The following ARHGAP42 variants were observed in gnomAD, a reference collection of about 807,000 sequenced individuals.
ARHGAP42 encodes the protein Rho GTPase activating protein 42.
Under a neutral mutation model 125.0 loss-of-function variants are expected in ARHGAP42, and 63 were observed. The ratio of observed to expected loss-of-function variants is 0.50; its 90% CI spans 0.41 to 0.62. The LOEUF (loss-of-function observed/expected upper bound fraction) is 0.62, where lower values mean the gene tolerates loss of function less well. Among genes scored for constraint, ARHGAP42 ranks in the 20% least tolerant of loss-of-function variants. The pLI, the probability that ARHGAP42 is intolerant of heterozygous loss-of-function variation, is 0.00. For missense variants in ARHGAP42, 766 were observed against 1,024.2 expected, an observed-to-expected ratio of 0.75 and a Z score of 3.44; for synonymous variants, 339 against 351.0, an observed-to-expected ratio of 0.97 and a Z score of 0.38.
intron 8 of ARHGAP42, among the ~76,000 whole-genome samples, chr11:100,938,728 T>C (rs1288976497): frequency 6.6e-6 from 1 of 152,184 alleles, no homozygotes; most frequent in Non-Finnish European, 1.5e-5. Context: ...GAAAAAGGAA[T>C]ATATTTATAT....
intron 4 of ARHGAP42, among the ~76,000 whole-genome samples, chr11:100,869,614 G>T (rs965238197): frequency 6.6e-6 from 1 of 152,088 alleles, no homozygotes; most frequent in Admixed American, 6.5e-5. Flanking sequence ...ACTGAGGCAG[G>T]AGAATCCCAT....
At chr11:100,886,400 G>T (rs1466445113) in intron 4 of ARHGAP42, among the ~76,000 whole-genome samples, 2 of 152,204 alleles carry the variant, frequency 1.3e-5, no homozygotes, top group African/African-American at 4.8e-5. Flanking sequence ...TCTTTATAGA[G>T]TTGGACTAAA....
intron 1 of ARHGAP42, among the ~76,000 whole-genome samples, chr11:100,745,912 CG>C (rs1227443258): frequency 2.0e-5 from 3 of 152,166 alleles, no homozygotes; most frequent in African/African-American, 7.2e-5. Flanking sequence ...TATTTGATTT[CG>C]GGCTTTAAAT....
At chr11:100,909,937 G>C (rs532195641) in intron 4 of ARHGAP42, among the ~76,000 whole-genome samples, 1 of 152,268 alleles carries the variant, frequency 6.6e-6, no homozygotes, top group East Asian at 1.9e-4. Context: ...AATTTTAAGA[G>C]CAAAGTTGAC....
chr11:100,893,722 T>A (rs1270386141), intron 4 of ARHGAP42, among the ~76,000 whole-genome samples: 1 of 152,108 alleles, frequency 6.6e-6, no homozygotes, highest in Non-Finnish European at 1.5e-5. Flanking sequence ...AATAATTAAT[T>A]TTGAATTTTT....
intron 2 of ARHGAP42, among the ~76,000 whole-genome samples, chr11:100,785,843 G>A (rs970606436): frequency 6.6e-6 from 1 of 152,288 alleles, no homozygotes; most frequent in Admixed American, 6.5e-5. Flanking sequence ...CTGTAATGTA[G>A]CAGGATACAG....
chr11:100,853,009 C>G (rs1865240988), intron 3 of ARHGAP42, among the ~76,000 whole-genome samples: 1 of 152,162 alleles, frequency 6.6e-6, no homozygotes, highest in Non-Finnish European at 1.5e-5. Flanking sequence ...AAATCTCTCT[C>G]TGAGAATACA....
chr11:100,878,290 G>A (rs980166829), intron 4 of ARHGAP42, among the ~76,000 whole-genome samples: 4 of 151,672 alleles, frequency 2.6e-5, no homozygotes, highest in South Asian at 2.1e-4. Flanking sequence ...CACCATGCCC[G>A]GCCTATTCCT....
chr11:100,847,208 G>T (rs1426812600), intron 3 of ARHGAP42, among the ~76,000 whole-genome samples: 1 of 152,144 alleles, frequency 6.6e-6, no homozygotes, highest in Non-Finnish European at 1.5e-5. Flanking sequence ...TGTTCCACTG[G>T]ATGGGCTGAG....
intron 10 of ARHGAP42, among the ~76,000 whole-genome samples, chr11:100,948,039 T>C (rs1008188690): frequency 4.6e-5 from 7 of 152,044 alleles, no homozygotes; most frequent in African/African-American, 1.7e-4. Flanking sequence ...GCTTTCCACA[T>C]TGTTCCATAT....
intron 17 of ARHGAP42, among the ~76,000 whole-genome samples, chr11:100,969,583 A>G (rs140595337): frequency 4.6e-5 from 7 of 151,852 alleles, no homozygotes; most frequent in Admixed American, 1.3e-4. Context: ...CATAGTCTCT[A>G]TTGATACTTT....
chr11:100,729,811 C>CTTTT (rs1218377976), intron 1 of ARHGAP42, among the ~76,000 whole-genome samples: 6 of 133,682 alleles, frequency 4.5e-5, no homozygotes, highest in Non-Finnish European at 8.1e-5. Context: ...AAATTTCTTT[C>CTTTT]TTTTTTTTTT....
At chr11:100,761,834 A>G (rs1367927267) in intron 1 of ARHGAP42, among the ~76,000 whole-genome samples, 1 of 152,254 alleles carries the variant, frequency 6.6e-6, no homozygotes, top group Non-Finnish European at 1.5e-5. Flanking sequence ...CAGTATTTCA[A>G]GTTTCTGTTC....
chr11:100,917,609 T>G (rs548042730), intron 5 of ARHGAP42, among the ~76,000 whole-genome samples: 1 of 152,320 alleles, frequency 6.6e-6, no homozygotes, highest in South Asian at 2.1e-4. Context: ...TCTCACTCTG[T>G]TGCCCAGGCT....
At position 100,838,356 on chromosome 11, in the gene ARHGAP42, A is replaced by G. The variant is rs147545639; in HGVS notation, c.313-21198A>G. ...TCCTTTGTGAGTAAAGACAATGTAT[A>G]TAGACATTCCTTTTTTCAAACTTAT... is the stretch of plus-strand genomic sequence containing the variant. On this transcript the variant is annotated intron_variant, in intron 3 of 23. Transcript: ENST00000298815. Among the ~76,000 whole-genome samples, 218 of 152,222 alleles carry G rather than the reference A, an allele frequency of 1.4e-3. 2 individuals carry two copies. Among genetic ancestry groups the G allele is most frequent in the African/African-American group, 4.1e-3 (171 of 41,534 alleles).
intron 1 of ARHGAP42, among the ~76,000 whole-genome samples, chr11:100,767,817 G>T (rs1240525766): frequency 6.6e-6 from 1 of 152,142 alleles, no homozygotes; most frequent in Non-Finnish European, 1.5e-5. Context: ...AAATAAAGGG[G>T]TGTTCAATGG....
chr11:100,919,212 T>C (rs899955372), intron 5 of ARHGAP42, among the ~76,000 whole-genome samples: 4 of 152,186 alleles, frequency 2.6e-5, no homozygotes, highest in African/African-American at 7.2e-5. Flanking sequence ...TAGAGACTTA[T>C]TGGAGGCTGG....
intron 1 of ARHGAP42, among the ~76,000 whole-genome samples, chr11:100,711,583 C>T (rs1861566323): frequency 6.6e-6 from 1 of 152,180 alleles, no homozygotes; most frequent in African/African-American, 2.4e-5. Flanking sequence ...GTCTTGAACT[C>T]CTGAGGTCAA....
At chr11:100,695,392 C>T (rs552155623) in intron 1 of ARHGAP42, among the ~76,000 whole-genome samples, 1 of 152,270 alleles carries the variant, frequency 6.6e-6, no homozygotes, top group South Asian at 2.1e-4. Flanking sequence ...CAACCTCCAC[C>T]TCCCGGATTC....
Sources: gnomAD v4.1 joint callset for allele counts (sites outside exome capture counted in the v4.1 genomes callset) on GRCh38, gnomAD v4.1.1 for gene constraint, MANE v1.5 for transcripts, NCBI Gene and HGNC (gene_info 2026-07-23, HGNC 2026-07-21) for gene names.